Variants in NSMCE2 observed in about 807,000 individuals in gnomAD.
The protein encoded by NSMCE2 is E3 SUMO-protein ligase NSE2.
Under a neutral mutation model 23.8 loss-of-function variants are expected in NSMCE2, and 24 were observed. That is an observed-to-expected ratio of 1.01 (90% CI 0.73 to 1.42). NSMCE2 has a LOEUF of 1.42. NSMCE2 is among the 40% of genes most tolerant of loss of function. The pLI, the probability that NSMCE2 is intolerant of heterozygous loss-of-function variation, is 0.00. For synonymous variants in NSMCE2, 92 were observed against 94.1 expected (o/e 0.98, Z 0.13); for missense variants, 284 against 296.5 (o/e 0.96, Z 0.31).
At chr8:125,360,863 G>C (rs1813509852) in intron 7 of NSMCE2, among the ~76,000 whole-genome samples, 1 of 152,114 alleles carries the variant, frequency 6.6e-6, no homozygotes, top group Non-Finnish European at 1.5e-5. Context: ...TGGAGTTCCA[G>C]GTCCATTGTG....
At chr8:125,200,739 G>A (rs1446025078) in intron 5 of NSMCE2, among the ~76,000 whole-genome samples, 2 of 152,148 alleles carry the variant, frequency 1.3e-5, no homozygotes, top group Non-Finnish European at 2.9e-5. Context: ...CGTTGGGGAA[G>A]TTCTCCTGGA....
chr8:125,112,624 C>T lies in NSMCE2; in HGVS notation c.157+10137C>T, dbSNP rs528229768. Among the ~76,000 whole-genome samples, 15 of 151,946 alleles carry T rather than the reference C, an allele frequency of 9.9e-5. 1 individual carries two copies. The South Asian group carries it at 2.9e-3, about 29-fold the overall frequency. On this transcript the variant is annotated intron_variant, in intron 3 of 7. Transcript: ENST00000287437. ...TGAATCTGGAAGATGTTTTGCTAAGCAAAATAAGCCAGTCACAGAAAGATA... is the reference window on the plus strand; with the variant it reads ...TGAATCTGGAAGATGTTTTGCTAAGTAAAATAAGCCAGTCACAGAAAGATA...
chr8:125,228,757 G>A (rs1261426107), intron 5 of NSMCE2, among the ~76,000 whole-genome samples: 1 of 152,210 alleles, frequency 6.6e-6, no homozygotes, highest in African/African-American at 2.4e-5. Context: ...TGAACCTACA[G>A]CAAGATAATC....
intron 3 of NSMCE2, among the ~76,000 whole-genome samples, chr8:125,132,515 C>T (rs1298008220): frequency 6.6e-6 from 1 of 151,128 alleles, no homozygotes; most frequent in African/African-American, 2.4e-5. Context: ...TTTTTTGAGA[C>T]AGGATCTCAT....
intron 5 of NSMCE2, among the ~76,000 whole-genome samples, chr8:125,323,334 A>G (rs1181963640): frequency 2.0e-5 from 3 of 152,234 alleles, no homozygotes; most frequent in Non-Finnish European, 4.4e-5. Flanking sequence ...CAGAGGACAT[A>G]CAGCATCCAA....
chr8:125,178,090 T>A (rs1209148530), intron 4 of NSMCE2, among the ~76,000 whole-genome samples: 1 of 152,228 alleles, frequency 6.6e-6, no homozygotes, highest in African/African-American at 2.4e-5. Context: ...TGGCAGCAAC[T>A]GCCCTCTCCC....
At chr8:125,308,285 A>G (rs1788469513) in intron 5 of NSMCE2, among the ~76,000 whole-genome samples, 1 of 152,228 alleles carries the variant, frequency 6.6e-6, no homozygotes, top group African/African-American at 2.4e-5. Context: ...GATTTAAGAT[A>G]AAAAATCCTA....
chr8:125,195,879 CTTTTTTT>C (rs34687223), intron 5 of NSMCE2, among the ~76,000 whole-genome samples: 54 of 83,660 alleles, frequency 6.5e-4, no homozygotes, highest in Admixed American at 2.7e-3. Context: ...TCCTGAATAA[CTTTTTTT>C]TTTTTTTTTT....
intron 4 of NSMCE2, among the ~76,000 whole-genome samples, chr8:125,151,583 C>T (rs1459685559): frequency 6.6e-6 from 1 of 152,190 alleles, no homozygotes; most frequent in Non-Finnish European, 1.5e-5. Flanking sequence ...AAATTGCATG[C>T]ACCTTGTTTT....
intron 5 of NSMCE2, among the ~76,000 whole-genome samples, chr8:125,272,777 G>GTA (rs1434381963): frequency 1.7e-5 from 2 of 120,254 alleles, no homozygotes; most frequent in African/African-American, 6.5e-5. Flanking sequence ...ACACACACAC[G>GTA]TATATATATA....
intron 3 of NSMCE2, among the ~76,000 whole-genome samples, chr8:125,129,609 G>A (rs941912605): frequency 1.3e-5 from 2 of 151,264 alleles, no homozygotes; most frequent in East Asian, 1.9e-4. Context: ...TCTGAATACT[G>A]AGAGCAAATT....
At chr8:125,216,743 TC>T (rs1206851258) in intron 5 of NSMCE2, among the ~76,000 whole-genome samples, 3 of 152,226 alleles carry the variant, frequency 2.0e-5, no homozygotes, top group Admixed American at 1.3e-4. Context: ...CAACCATTCT[TC>T]ACTCTCTCAC....
In NSMCE2 at chr8:125,102,060, C is replaced by G. The variant is rs922197253; in HGVS notation, c.-101C>G. 1 of 316,768 alleles carries G rather than the reference C, an allele frequency of 3.2e-6. No individual in the cohort carries two copies. The highest frequency in any genetic ancestry group is 5.9e-6 in the Non-Finnish European group (1 of 169,788). 19.6% of individuals were successfully genotyped at this position (316,768 alleles called of 1,614,324 possible). A position where few individuals can be genotyped will look rare whatever the true frequency, so the allele number is the denominator to read the frequency against. On this transcript the variant is annotated 5_prime_UTR_variant, in exon 2 of 8. Transcript: ENST00000287437. Reference sequence around the variant, plus strand: ...GTTGACTTCTTCACAGAATCAAGCACTCTTTTGGAAGAGGGTAATCTCTCT... The same window carrying G: ...GTTGACTTCTTCACAGAATCAAGCAGTCTTTTGGAAGAGGGTAATCTCTCT...
chr8:125,198,174 T>G (rs1823709489), intron 5 of NSMCE2, among the ~76,000 whole-genome samples: 1 of 152,178 alleles, frequency 6.6e-6, no homozygotes, highest in African/African-American at 2.4e-5. Context: ...TTGAATACCC[T>G]TTATTTCTTT....
intron 7 of NSMCE2, among the ~76,000 whole-genome samples, chr8:125,363,808 G>A (rs1813670885): frequency 6.6e-6 from 1 of 152,132 alleles, no homozygotes; most frequent in South Asian, 2.1e-4. Flanking sequence ...CTCCAGCCTT[G>A]CCCTAATGCA....
At chr8:125,160,826 A>G (rs184218736) in intron 4 of NSMCE2, among the ~76,000 whole-genome samples, 317 of 152,374 alleles carry the variant, frequency 2.1e-3, no homozygotes, top group African/African-American at 6.8e-3. Context: ...GTACGAGTAC[A>G]CAATCATGCT....
chr8:125,351,654 T>C (rs1056348953), intron 5 of NSMCE2, among the ~76,000 whole-genome samples: 2 of 152,210 alleles, frequency 1.3e-5, no homozygotes, highest in Admixed American at 6.5e-5. Flanking sequence ...ATTAAACTGA[T>C]TTAATCCAAT....
chr8:125,353,632 C>G (rs1180028686), intron 5 of NSMCE2, among the ~76,000 whole-genome samples: 1 of 152,182 alleles, frequency 6.6e-6, no homozygotes, highest in Non-Finnish European at 1.5e-5. Context: ...CGCCTGTAAT[C>G]CCAGCACTTT....
chr8:125,131,942 G>A (rs1170326058), intron 3 of NSMCE2, among the ~76,000 whole-genome samples: 1 of 152,196 alleles, frequency 6.6e-6, no homozygotes, highest in Non-Finnish European at 1.5e-5. Flanking sequence ...TGGGCAGCCT[G>A]TCTCCAGAGT....
Sources: gnomAD v4.1 joint callset for allele counts (sites outside exome capture counted in the v4.1 genomes callset) on GRCh38, gnomAD v4.1.1 for gene constraint, MANE v1.5 for transcripts, NCBI Gene and HGNC (gene_info 2026-07-23, HGNC 2026-07-21) for gene names.